Variants in CNTNAP2 observed in about 807,000 individuals in gnomAD.
The protein encoded by CNTNAP2 is contactin-associated protein-like 2.
Under a neutral mutation model 155.2 loss-of-function variants are expected in CNTNAP2, and 98 were observed. That is an observed-to-expected ratio of 0.63 (90% CI 0.54 to 0.75). The LOEUF is 0.75. CNTNAP2 is among the 30% of genes least tolerant of loss of function. The pLI, the probability that CNTNAP2 is intolerant of heterozygous loss-of-function variation, is 0.00. For missense variants in CNTNAP2, 1,727 were observed against 1,688.1 expected, an observed-to-expected ratio of 1.02 and a Z score of -0.40; for synonymous variants, 651 against 631.2, an observed-to-expected ratio of 1.03 and a Z score of -0.47.
intron 15 of CNTNAP2, among the ~76,000 whole-genome samples, chr7:148,026,393 G>A (rs961249921): frequency 2.0e-5 from 3 of 152,126 alleles, no homozygotes; most frequent in African/African-American, 7.2e-5. Flanking sequence ...CAAGGCTGCG[G>A]TGAGCCATGA....
In CNTNAP2 at chr7:148,267,672, AC is replaced by A. The variant is rs369526190; in HGVS notation, c.3475+547del. ...TCTGTCTCAAAAAAAAAAAAAAAAA[AC>A]AACCAAACAAACAAAAAACACATTG... On this transcript the variant is annotated intron_variant, in intron 21 of 23. Coordinates refer to ENST00000361727, the MANE Select transcript of CNTNAP2 (RefSeq NM_014141.6). Among the ~76,000 whole-genome samples the A allele has an allele frequency of 4.4e-3, 662 of 149,124 alleles. 17 individuals are homozygous for A. Among genetic ancestry groups the A allele is most frequent in the African/African-American group, 0.013 (536 of 40,834 alleles).
In CNTNAP2 at chr7:148,301,292, TA is replaced by T. The variant is rs1191956788; in HGVS notation, c.3475+34181del. 7.6e-3 allele frequency among the ~76,000 whole-genome samples: 905 copies of T among 118,750 alleles called. 27 individuals are homozygous for T. The highest frequency in any genetic ancestry group is 0.029 in the African/African-American group (845 of 28,868). The allele number at this position is 118,750 out of a possible 152,430, so 77.9% of individuals were successfully genotyped here. A position where few individuals can be genotyped will look rare whatever the true frequency, so the allele number is the denominator to read the frequency against. On this transcript the variant is annotated intron_variant, in intron 21 of 23. Transcript: ENST00000361727. ...CTGGGTGACAAGGCGAGACTCCGTC[TA>T]AAAAAAAAAAAAAATATATATATAT...
intron 14 of CNTNAP2, among the ~76,000 whole-genome samples, chr7:147,945,362 G>A (rs1800800037): frequency 1.3e-5 from 2 of 152,088 alleles, no homozygotes; most frequent in African/African-American, 4.8e-5. Context: ...AGAAAAAAGA[G>A]AGTTAATTAA....
intron 13 of CNTNAP2, among the ~76,000 whole-genome samples, chr7:147,655,445 G>C (rs1460238305): frequency 6.6e-6 from 1 of 152,048 alleles, no homozygotes; most frequent in African/African-American, 2.4e-5. Context: ...AATATAACTT[G>C]AAAGTCAAAA....
At chr7:146,282,189 A>T (rs1241440036) in intron 1 of CNTNAP2, among the ~76,000 whole-genome samples, 2 of 152,198 alleles carry the variant, frequency 1.3e-5, no homozygotes, top group African/African-American at 4.8e-5. Context: ...ACTCATGACA[A>T]TGCTACACCT....
chr7:148,002,975 T>C (rs184981852), intron 15 of CNTNAP2, among the ~76,000 whole-genome samples: 1 of 152,282 alleles, frequency 6.6e-6, no homozygotes, highest in African/African-American at 2.4e-5. Context: ...ATATGTGACC[T>C]GGGGAAGAAA....
chr7:148,103,743 T>A (rs1056282625), intron 15 of CNTNAP2, among the ~76,000 whole-genome samples: 1 of 152,214 alleles, frequency 6.6e-6, no homozygotes, highest in African/African-American at 2.4e-5. Context: ...TCCGTTTGGA[T>A]GCACTATTTA....
At chr7:148,056,480 A>G (rs1227068923) in intron 15 of CNTNAP2, 1 of 152,232 alleles carries the variant, frequency 6.6e-6, no homozygotes, top group African/African-American at 2.4e-5. Flanking sequence ...TTACATATGC[A>G]GTAGCAATTA....
intron 10 of CNTNAP2, among the ~76,000 whole-genome samples, chr7:147,435,541 T>C (rs571926220): frequency 2.6e-5 from 4 of 152,324 alleles, no homozygotes; most frequent in African/African-American, 9.6e-5. Context: ...CACAAGAATG[T>C]TTGTGACTTA....
At chr7:147,238,058 A>G (rs1803852007) in intron 8 of CNTNAP2, among the ~76,000 whole-genome samples, 2 of 152,344 alleles carry the variant, frequency 1.3e-5, no homozygotes, top group African/African-American at 2.4e-5. Flanking sequence ...TCTGTCGCCC[A>G]GGCTGGAGTG....
chr7:147,314,427 G>C (rs532911332), intron 9 of CNTNAP2, among the ~76,000 whole-genome samples: 88 of 141,958 alleles, frequency 6.2e-4, no homozygotes, highest in African/African-American at 1.4e-3. Context: ...AATACAATTA[G>C]TGCCAAAGTT....
chr7:148,361,913 C>T (rs547371686), intron 21 of CNTNAP2, among the ~76,000 whole-genome samples: 85 of 152,262 alleles, frequency 5.6e-4, no homozygotes, highest in African/African-American at 2.0e-3. Flanking sequence ...ATCAGATCGG[C>T]CGGGCACGGT....
At chr7:146,662,193 A>G (rs1288334909) in intron 1 of CNTNAP2, among the ~76,000 whole-genome samples, 1 of 151,782 alleles carries the variant, frequency 6.6e-6, no homozygotes, top group Admixed American at 6.6e-5. Flanking sequence ...GCTGGAGTGC[A>G]ATGGCACGAC....
At chr7:146,918,380 G>A (rs895008330) in intron 3 of CNTNAP2, among the ~76,000 whole-genome samples, 5 of 152,030 alleles carry the variant, frequency 3.3e-5, no homozygotes, top group East Asian at 3.9e-4. Context: ...TGGCTTGGTA[G>A]TAGTGAATTC....
intron 3 of CNTNAP2, among the ~76,000 whole-genome samples, chr7:146,850,860 C>A (rs1010086809): frequency 6.6e-6 from 1 of 152,184 alleles, no homozygotes; most frequent in Non-Finnish European, 1.5e-5. Context: ...AACTAACCAG[C>A]CTGTGTTCCT....
rs1274358809 is a variant in CNTNAP2, at chr7:147,335,239, G to A, written c.1498+34949G>A. On this transcript the variant is annotated intron_variant, in intron 9 of 23. Coordinates refer to ENST00000361727, the MANE Select transcript of CNTNAP2 (RefSeq NM_014141.6). ...AAGCAAGGACTCATGCTGAGTTAAT[G>A]CTTCTAATAGAATAACCTAGAAATT... is the stretch of plus-strand genomic sequence containing the variant. Among the ~76,000 whole-genome samples, 6 of 152,122 alleles carry A rather than the reference G, an allele frequency of 3.9e-5. 1 individual carries two copies. The highest frequency in any genetic ancestry group is 2.6e-4 in the Admixed American group (4 of 15,264).
At chr7:146,333,550 C>T (rs1025252385) in intron 1 of CNTNAP2, among the ~76,000 whole-genome samples, 13 of 152,104 alleles carry the variant, frequency 8.5e-5, no homozygotes, top group African/African-American at 3.1e-4. Context: ...TTCCATGGTG[C>T]ATGTTTTTAT....
At chr7:148,395,116 T>C (rs2116688004) in intron 22 of CNTNAP2, among the ~76,000 whole-genome samples, 1 of 145,114 alleles carries the variant, frequency 6.9e-6, no homozygotes, top group Admixed American at 6.8e-5. Context: ...AATGTTTCTG[T>C]TGACCCCCCC....
intron 1 of CNTNAP2, among the ~76,000 whole-genome samples, chr7:146,510,253 G>A (rs989304513): frequency 6.6e-6 from 1 of 152,206 alleles, no homozygotes; most frequent in Non-Finnish European, 1.5e-5. Flanking sequence ...TACATTAAAT[G>A]GCTACATAAA....
Sources: allele counts gnomAD v4.1 joint callset (sites outside exome capture counted in the v4.1 genomes callset), GRCh38; gene constraint gnomAD v4.1.1; transcripts MANE v1.5; gene names NCBI Gene and HGNC (gene_info 2026-07-23, HGNC 2026-07-21).